Variants in DHRSX observed in about 807,000 individuals in gnomAD.
DHRSX encodes dehydrogenase/reductase X-linked.
DHRSX carries 31 observed loss-of-function variants against 34.0 expected under a neutral mutation model. The observed-to-expected ratio is 0.91, with a 90% CI of 0.69 to 1.23. The LOEUF (loss-of-function observed/expected upper bound fraction) is 1.23. Ranked by LOEUF, DHRSX falls within the 50% of genes most tolerant of loss-of-function variation. The probability of loss-of-function intolerance (pLI) is 0.00; values close to 1 mark genes in which losing one functional copy is unlikely to be tolerated. For synonymous variants in DHRSX, 201 were observed against 183.8 expected (o/e 1.09, Z -0.76); for missense variants, 414 against 428.1 (o/e 0.97, Z 0.29).
intron 4 of DHRSX, among the ~76,000 whole-genome samples, chrX:2,283,451 C>T (rs1402716340): frequency 6.6e-6 from 1 of 152,072 alleles, no homozygotes; most frequent in Admixed American, 6.5e-5. Context: ...GATCCGCTGA[C>T]GAATGCATGC....
At chrX:2,306,952 G>A (rs762724542) in intron 3 of DHRSX, among the ~76,000 whole-genome samples, 1 of 144,356 alleles carries the variant, frequency 6.9e-6, no homozygotes, top group African/African-American at 2.6e-5. Flanking sequence ...TGATTGATAG[G>A]TTTTTGTAAA....
intron 1 of DHRSX, among the ~76,000 whole-genome samples, chrX:2,473,031 ACT>A (rs2044617641): frequency 2.0e-5 from 3 of 151,912 alleles, no homozygotes; most frequent in Non-Finnish European, 2.9e-5. Context: ...ACCACAACTT[ACT>A]GTCCACTGCA....
At chrX:2,324,988 C>A (rs2042361540) in intron 3 of DHRSX, among the ~76,000 whole-genome samples, 1 of 150,206 alleles carries the variant, frequency 6.7e-6, no homozygotes, top group African/African-American at 2.5e-5. Flanking sequence ...ACTGGTCAGG[C>A]TCGTCTCGAA....
At chrX:2,428,695 A>C (rs1019346412) in intron 1 of DHRSX, among the ~76,000 whole-genome samples, 14 of 152,072 alleles carry the variant, frequency 9.2e-5, no homozygotes, top group Non-Finnish European at 2.1e-4. Context: ...GGTGCAGCAA[A>C]CCACCATGGC....
At chrX:2,262,835 CAG>C (rs66493252) in intron 5 of DHRSX, among the ~76,000 whole-genome samples, 152,325 of 152,334 alleles carry the variant, frequency 1, 76,158 homozygotes, top group Middle Eastern at 1. Flanking sequence ...CCACACCCTT[CAG>C]AGCAGAGAGG....
At chrX:2,491,333 G>A (rs1194033703) in intron 1 of DHRSX, among the ~76,000 whole-genome samples, 1 of 152,218 alleles carries the variant, frequency 6.6e-6, no homozygotes, top group Non-Finnish European at 1.5e-5. Context: ...GCCTCCCAAA[G>A]TGCTGGGATG....
rs1242739504 is a variant in DHRSX at position 2,376,004 on chromosome X, C to T, written c.286+32741G>A. Among the ~76,000 whole-genome samples the T allele has an allele frequency of 3.7e-5, 5 of 136,018 alleles. 1 individual carries two copies. Among genetic ancestry groups the T allele is most frequent in the East Asian group, 2.0e-4 (1 of 5,002 alleles). The allele number at this position is 136,018 out of a possible 152,430, so 89.2% of individuals were successfully genotyped here. Reference sequence around the variant, plus strand: ...TGCCTCTCTGTGATTTTTACTAACTCGCCTGGAGTCACCAATGTTGTTGCC... The same window carrying T: ...TGCCTCTCTGTGATTTTTACTAACTTGCCTGGAGTCACCAATGTTGTTGCC... On this transcript the variant is annotated intron_variant, in intron 3 of 6. Coordinates refer to ENST00000334651, the MANE Select transcript of DHRSX (RefSeq NM_145177.3).
intron 3 of DHRSX, among the ~76,000 whole-genome samples, chrX:2,331,007 A>C (rs2042465740): frequency 6.6e-6 from 1 of 152,178 alleles, no homozygotes; most frequent in South Asian, 2.1e-4. Context: ...ACTTAGCAGA[A>C]GGGAGAACAG....
intron 3 of DHRSX, among the ~76,000 whole-genome samples, chrX:2,398,160 C>A (rs964884358): frequency 1.2e-4 from 19 of 152,106 alleles, no homozygotes; most frequent in Non-Finnish European, 2.5e-4. Flanking sequence ...CATGGTGCTG[C>A]AGAAGTATCT....
intron 1 of DHRSX, among the ~76,000 whole-genome samples, chrX:2,499,639 G>C (rs1470093466): frequency 2.0e-5 from 3 of 151,736 alleles, no homozygotes; most frequent in African/African-American, 7.3e-5. Context: ...AGGCGTGGTG[G>C]CTCACGCCTG....
chrX:2,416,146 A>T, intron 2 of DHRSX, among the ~76,000 whole-genome samples: 1 of 152,138 alleles, frequency 6.6e-6, no homozygotes, highest in South Asian at 2.1e-4. Context: ...GTCATGACCT[A>T]ATACAACTTG....
At chrX:2,357,449 A>AC (rs1239586581) in intron 3 of DHRSX, among the ~76,000 whole-genome samples, 1 of 152,132 alleles carries the variant, frequency 6.6e-6, no homozygotes, top group Non-Finnish European at 1.5e-5. Context: ...ATGTCCATCA[A>AC]CCTCATCCTG....
At chrX:2,289,187 G>A (rs750792027) in intron 4 of DHRSX, among the ~76,000 whole-genome samples, 9 of 150,014 alleles carry the variant, frequency 6.0e-5, no homozygotes, top group African/African-American at 9.8e-5. Flanking sequence ...GTGTGGTCTC[G>A]GCTCACTGCA....
chrX:2,355,500 G>C (rs181558165), intron 3 of DHRSX, among the ~76,000 whole-genome samples: 2 of 113,890 alleles, frequency 1.8e-5, no homozygotes, highest in East Asian at 6.3e-4. Flanking sequence ...TGACAAGAGC[G>C]AGACCCCATC....
At position 2,459,544 on chromosome X, in the gene DHRSX, C is replaced by CTG. The variant is rs1194580975; in HGVS notation, c.110-34242_110-34241dup. ...AGAGAGAGAGAGAGAGAATGTGTGTCTGTGTGTATATATATATATATATAT... is the reference window on the plus strand; with the variant it reads ...AGAGAGAGAGAGAGAGAATGTGTGTCTGTGTGTGTATATATATATATATATAT... On this transcript the variant is annotated intron_variant, in intron 1 of 6. Coordinates refer to ENST00000334651, the MANE Select transcript of DHRSX (RefSeq NM_145177.3). Among the ~76,000 whole-genome samples the CTG allele has an allele frequency of 7.0e-4, 48 of 68,602 alleles. 1 individual carries two copies. In the East Asian group the frequency reaches 7.5e-3, roughly 11 times the overall value. 45.0% of individuals were successfully genotyped at this position (68,602 alleles called of 152,430 possible). A position where few individuals can be genotyped will look rare whatever the true frequency, so the allele number is the denominator to read the frequency against.
At chrX:2,253,389 G>A (rs1376966735) in intron 5 of DHRSX, among the ~76,000 whole-genome samples, 3 of 120,890 alleles carry the variant, frequency 2.5e-5, no homozygotes, top group South Asian at 2.4e-4. Context: ...CCAAGATGGC[G>A]CCACGGCACT....
chrX:2,387,703 C>G (rs1321663461), intron 3 of DHRSX, among the ~76,000 whole-genome samples: 1 of 152,006 alleles, frequency 6.6e-6, no homozygotes, highest in Non-Finnish European at 1.5e-5. Context: ...AGGATCAATA[C>G]TTTGCATCCT....
chrX:2,314,757 G>A (rs1009444176), intron 3 of DHRSX, among the ~76,000 whole-genome samples: 2 of 152,028 alleles, frequency 1.3e-5, no homozygotes, highest in African/African-American at 4.8e-5. Flanking sequence ...ATAGGAATTT[G>A]GGCAAGATAA....
chrX:2,498,465 A>T (rs1451275287), intron 1 of DHRSX, among the ~76,000 whole-genome samples: 7 of 152,188 alleles, frequency 4.6e-5, no homozygotes, highest in African/African-American at 1.4e-4. Context: ...ATCCATACAT[A>T]GGAAGGGGCT....
Sources: allele counts gnomAD v4.1 joint callset (sites outside exome capture counted in the v4.1 genomes callset), GRCh38; gene constraint gnomAD v4.1.1; transcripts MANE v1.5; gene names NCBI Gene and HGNC (gene_info 2026-07-23, HGNC 2026-07-21).